CLYBL: variants seen among roughly 807,000 people sequenced by gnomAD.
CLYBL encodes the protein citramalyl-CoA lyase, also known as citramalyl-CoA lyase, mitochondrial.
In CLYBL, 31 loss-of-function variants were observed where a neutral mutation model predicts 38.9. The ratio of observed to expected loss-of-function variants is 0.80; its 90% CI spans 0.60 to 1.08. The LOEUF is 1.08. Ranked by LOEUF, CLYBL falls within the 50% of genes least tolerant of loss-of-function variation. CLYBL has a pLI of 0.00. For synonymous variants in CLYBL, 171 were observed against 158.6 expected, an observed-to-expected ratio of 1.08 and a Z score of -0.59; for missense variants, 434 against 411.6, an observed-to-expected ratio of 1.05 and a Z score of -0.47.
intron 1 of CLYBL, among the ~76,000 whole-genome samples, chr13:99,668,578 TC>T (rs1164237504): frequency 3.2e-5 from 3 of 94,446 alleles, no homozygotes; most frequent in East Asian, 2.9e-4. Context: ...AGAGCGAAAC[TC>T]CATCTCAAAA....
intron 2 of CLYBL, among the ~76,000 whole-genome samples, chr13:99,807,942 C>T (rs117866693): frequency 0.024 from 3,697 of 152,080 alleles, 59 homozygotes; most frequent in South Asian, 0.045. Context: ...CTCCTCAAAG[C>T]GGAGGAAAGA....
chr13:99,841,806 CTTTTCCT>C (rs1277870207), intron 2 of CLYBL, among the ~76,000 whole-genome samples: 38 of 135,024 alleles, frequency 2.8e-4, no homozygotes, highest in African/African-American at 9.1e-4. Flanking sequence ...CTTTTCTTTT[CTTTTCCT>C]TTTTTTTTTT....
chr13:99,827,785 C>T (rs557718271), intron 2 of CLYBL, among the ~76,000 whole-genome samples: 11 of 152,344 alleles, frequency 7.2e-5, no homozygotes, highest in South Asian at 2.1e-4. Context: ...CAGGCGCCAT[C>T]GTATGTGGGG....
chr13:99,840,215 C>G (rs1183962031), intron 2 of CLYBL, among the ~76,000 whole-genome samples: 1 of 148,392 alleles, frequency 6.7e-6, no homozygotes, highest in East Asian at 2.0e-4. Context: ...GGTCCTCATC[C>G]CTTCATTCTC....
chr13:99,768,192 C>CTTTTTTTTTTT (rs58499426), intron 1 of CLYBL, among the ~76,000 whole-genome samples: 27 of 102,704 alleles, frequency 2.6e-4, no homozygotes, highest in Admixed American at 3.8e-4. Flanking sequence ...TTTTCTTTTT[C>CTTTTTTTTTTT]TTTTTTTTTT....
At chr13:99,868,190 T>C (rs1943885050) in intron 6 of CLYBL, among the ~76,000 whole-genome samples, 3 of 152,334 alleles carry the variant, frequency 2.0e-5, no homozygotes. Context: ...CCACACTTCG[T>C]AGGCAGTTTG....
chr13:99,878,118 A>G (rs548891173), intron 7 of CLYBL, among the ~76,000 whole-genome samples: 2 of 152,334 alleles, frequency 1.3e-5, no homozygotes, highest in South Asian at 2.1e-4. Flanking sequence ...CTGGTTTCCA[A>G]ATTCCTGACA....
chr13:99,824,497 G>A (rs1223935321), intron 2 of CLYBL, among the ~76,000 whole-genome samples: 1 of 152,150 alleles, frequency 6.6e-6, no homozygotes, highest in East Asian at 1.9e-4. Context: ...GTATGTTTTA[G>A]TGAAGATTGT....
chr13:99,652,628 T>C (rs2047271386), intron 1 of CLYBL, among the ~76,000 whole-genome samples: 1 of 152,186 alleles, frequency 6.6e-6, no homozygotes, highest in Non-Finnish European at 1.5e-5. Context: ...AAGTAGGACC[T>C]GTGGGTGCAG....
At chr13:99,854,453 C>T (rs562799566) in intron 2 of CLYBL, among the ~76,000 whole-genome samples, 200 of 151,498 alleles carry the variant, frequency 1.3e-3, no homozygotes, top group African/African-American at 4.4e-3. Context: ...TGATGCCGCT[C>T]TAATCCCTGG....
At chr13:99,809,760 T>C (rs887958998) in intron 2 of CLYBL, among the ~76,000 whole-genome samples, 7 of 152,244 alleles carry the variant, frequency 4.6e-5, no homozygotes, top group African/African-American at 1.7e-4. Context: ...CTGCTCTCCT[T>C]AGTGGCCTCA....
chr13:99,810,862 C>T (rs1170435953), intron 2 of CLYBL, among the ~76,000 whole-genome samples: 6 of 152,062 alleles, frequency 3.9e-5, no homozygotes, highest in Admixed American at 6.5e-5. Flanking sequence ...CTGTCAGCTC[C>T]AAAAGGCAGA....
chr13:99,906,032 C>T (rs975951805), intron 9 of CLYBL, among the ~76,000 whole-genome samples: 4 of 152,146 alleles, frequency 2.6e-5, no homozygotes, highest in African/African-American at 9.7e-5. Context: ...CCTCAGCCTC[C>T]CAAAGTGCTA....
chr13:99,859,093 G>C, intron 3 of CLYBL, 44 bp downstream of exon 3: 1 of 1,525,116 alleles, frequency 6.6e-7, no homozygotes, highest in South Asian at 1.3e-5. Flanking sequence ...AGCAGCTAAG[G>C]AGGAGTAGCA....
At chr13:99,763,482 T>C (rs539142478) in intron 1 of CLYBL, among the ~76,000 whole-genome samples, 2 of 152,202 alleles carry the variant, frequency 1.3e-5, no homozygotes, top group East Asian at 1.9e-4. Flanking sequence ...TTTATTTGCA[T>C]ATGTTGGATC....
chr13:99,851,726 AAC>A (rs1796329333), intron 2 of CLYBL, among the ~76,000 whole-genome samples: 1 of 152,174 alleles, frequency 6.6e-6, no homozygotes, highest in African/African-American at 2.4e-5. Context: ...AGGAACCCTC[AAC>A]ACACAGCTGG....
chr13:99,795,707 G>A (rs1329019546), intron 2 of CLYBL, among the ~76,000 whole-genome samples: 2 of 152,154 alleles, frequency 1.3e-5, no homozygotes, highest in African/African-American at 4.8e-5. Context: ...GAGCTCAAAA[G>A]CCTAGAGAGA....
Position 99,866,223 on chromosome 13 carries a change from TAAC to T in CLYBL, c.635-15_635-13del, listed in dbSNP as rs773439439. On this transcript the variant is annotated splice_polypyrimidine_tract_variant and intron_variant, in intron 5 of 8. Transcript: ENST00000339105. Reference sequence around the variant, plus strand: ...CAAAGTTAAAGCCTCCTTTTTCTGTTAACATCCCATTTTCAGGTGCAACAAGTA... The same window carrying T: ...CAAAGTTAAAGCCTCCTTTTTCTGTTATCCCATTTTCAGGTGCAACAAGTA... The T allele has an allele frequency of 6.2e-6, 10 of 1,612,176 alleles. No homozygotes were observed. The highest frequency in any genetic ancestry group is 1.3e-5 in the African/African-American group (1 of 74,750).
intron 2 of CLYBL, among the ~76,000 whole-genome samples, chr13:99,857,470 C>T (rs1366547966): frequency 1.3e-5 from 2 of 152,196 alleles, no homozygotes; most frequent in African/African-American, 2.4e-5. Context: ...AGTCTGAGCT[C>T]TCTCTTGCTT....
Sources: gnomAD v4.1 joint callset for allele counts (sites outside exome capture counted in the v4.1 genomes callset) on GRCh38, gnomAD v4.1.1 for gene constraint, MANE v1.5 for transcripts, NCBI Gene and HGNC (gene_info 2026-07-23, HGNC 2026-07-21) for gene names.